NDUFS4: variants seen among roughly 807,000 people sequenced by gnomAD.
NDUFS4 encodes NADH:ubiquinone oxidoreductase subunit S4.
Under a neutral mutation model 24.3 loss-of-function variants are expected in NDUFS4, and 28 were observed. That is an observed-to-expected ratio of 1.15 (90% CI 0.85 to 1.58). NDUFS4 has a LOEUF of 1.58. Among genes scored for constraint, NDUFS4 ranks in the 40% most tolerant of loss-of-function variants. The probability of loss-of-function intolerance (pLI) is 0.00; values close to 1 mark genes in which losing one functional copy is unlikely to be tolerated. For synonymous variants in NDUFS4, 93 were observed against 69.7 expected (o/e 1.34, Z -1.67); for missense variants, 223 against 207.9 (o/e 1.07, Z -0.45).
Position 53,683,114 on chromosome 5 carries a change from C to T in NDUFS4, c.425-4C>T. ...GTGGATTTGTCTTTGTTTTTTCCTCCTAGGATGGAGCTATGACATTGAAGA... is the reference window on the plus strand; with the variant it reads ...GTGGATTTGTCTTTGTTTTTTCCTCTTAGGATGGAGCTATGACATTGAAGA... On this transcript the variant is annotated splice_polypyrimidine_tract_variant and splice_region_variant and intron_variant, in intron 4 of 4. Coordinates refer to ENST00000296684, the MANE Select transcript of NDUFS4 (RefSeq NM_002495.4). 2 of 1,578,548 alleles carry T rather than the reference C, an allele frequency of 1.3e-6. No individual in the cohort carries two copies. Among genetic ancestry groups the T allele is most frequent in the Non-Finnish European group, 8.7e-7 (1 of 1,148,088 alleles).
At chr5:53,632,665 C>T (rs773368631) in intron 2 of NDUFS4, among the ~76,000 whole-genome samples, 7 of 152,136 alleles carry the variant, frequency 4.6e-5, no homozygotes, top group Non-Finnish European at 1.0e-4. Flanking sequence ...ATGCATGAAG[C>T]TGAGACAATT....
intron 2 of NDUFS4, among the ~76,000 whole-genome samples, chr5:53,645,640 T>C (rs543269289): frequency 2.0e-4 from 31 of 152,214 alleles, no homozygotes; most frequent in Non-Finnish European, 4.4e-4. Flanking sequence ...GATTGTATCA[T>C]TCTCTCTTTA....
intron 2 of NDUFS4, among the ~76,000 whole-genome samples, chr5:53,629,694 A>G (rs1053450979): frequency 6.6e-6 from 1 of 151,958 alleles, no homozygotes; most frequent in Non-Finnish European, 1.5e-5. Context: ...AGAGACTAGG[A>G]TTGTAACCCC....
chr5:53,618,456 G>A (rs1292768675), intron 2 of NDUFS4, among the ~76,000 whole-genome samples: 1 of 152,070 alleles, frequency 6.6e-6, no homozygotes, highest in Non-Finnish European at 1.5e-5. Context: ...TGCAGTGCAG[G>A]TACTAAGTTC....
At chr5:53,664,257 G>C (rs765886807) in intron 4 of NDUFS4, among the ~76,000 whole-genome samples, 1 of 152,068 alleles carries the variant, frequency 6.6e-6, no homozygotes, top group Non-Finnish European at 1.5e-5. Context: ...TCTTGCTGCC[G>C]TTAACATCTT....
intron 1 of NDUFS4, among the ~76,000 whole-genome samples, chr5:53,572,966 T>G (rs899380193): frequency 1.8e-4 from 17 of 95,920 alleles, no homozygotes; most frequent in South Asian, 3.6e-4. Flanking sequence ...TGTTTTTTTT[T>G]TTTGTTTTTT....
intron 4 of NDUFS4, among the ~76,000 whole-genome samples, chr5:53,671,842 T>C (rs925929698): frequency 6.6e-6 from 1 of 152,158 alleles, no homozygotes; most frequent in Non-Finnish European, 1.5e-5. Flanking sequence ...TTTGATCTGA[T>C]TTGAAAGTTT....
intron 2 of NDUFS4, among the ~76,000 whole-genome samples, chr5:53,631,077 G>A (rs971267844): frequency 1.3e-5 from 2 of 152,062 alleles, no homozygotes; most frequent in African/African-American, 4.8e-5. Context: ...TGTGGATGTC[G>A]TTTTTGTTGA....
intron 2 of NDUFS4, among the ~76,000 whole-genome samples, chr5:53,640,231 A>T (rs1751672719): frequency 6.6e-6 from 1 of 152,082 alleles, no homozygotes; most frequent in South Asian, 2.1e-4. Flanking sequence ...ATGTTAAAGT[A>T]GGAACTTGAA....
rs149346161 is a variant in NDUFS4, at chr5:53,614,768, T to G, written c.177+11238T>G. Among the ~76,000 whole-genome samples the G allele has an allele frequency of 9.2e-3, 1,401 of 152,054 alleles. 17 individuals carry two copies. The highest frequency in any genetic ancestry group is 0.032 in the African/African-American group (1,327 of 41,538). ...TTTACTACCTGCTGTGTATGGAAAT[T>G]GTGTATCGTACTTGACACTTGCTTT... On this transcript the variant is annotated intron_variant, in intron 2 of 4. Coordinates refer to ENST00000296684, the MANE Select transcript of NDUFS4 (RefSeq NM_002495.4).
At chr5:53,651,514 T>C (rs1752014738) in intron 3 of NDUFS4, among the ~76,000 whole-genome samples, 1 of 151,808 alleles carries the variant, frequency 6.6e-6, no homozygotes, top group African/African-American at 2.4e-5. Flanking sequence ...AATACTAATA[T>C]GTAGAATATT....
intron 1 of NDUFS4, among the ~76,000 whole-genome samples, chr5:53,574,363 T>C (rs1203259048): frequency 6.6e-6 from 1 of 152,216 alleles, no homozygotes; most frequent in Non-Finnish European, 1.5e-5. Flanking sequence ...ACTGTTAATG[T>C]GGTAGATTGA....
chr5:53,572,497 A>G (rs999697715), intron 1 of NDUFS4, among the ~76,000 whole-genome samples: 1 of 152,072 alleles, frequency 6.6e-6, no homozygotes, highest in Non-Finnish European at 1.5e-5. Context: ...TTTCTTTTTC[A>G]TTCTTTAACA....
At chr5:53,595,325 A>G (rs1036002435) in intron 1 of NDUFS4, among the ~76,000 whole-genome samples, 5 of 152,200 alleles carry the variant, frequency 3.3e-5, no homozygotes, top group Non-Finnish European at 4.4e-5. Context: ...TTATAAGTTA[A>G]TAATTGACAT....
chr5:53,663,284 G>A (rs1752401280), intron 4 of NDUFS4, among the ~76,000 whole-genome samples: 1 of 152,096 alleles, frequency 6.6e-6, no homozygotes. Flanking sequence ...GTGTGGTGTG[G>A]TGTTGAAAAA....
chr5:53,678,914 C>T (rs1172983041), intron 4 of NDUFS4, among the ~76,000 whole-genome samples: 1 of 152,088 alleles, frequency 6.6e-6, no homozygotes, highest in Non-Finnish European at 1.5e-5. Flanking sequence ...GTAACCTTTA[C>T]ATTCGAGTAT....
In NDUFS4 at chr5:53,619,330, C is replaced by T. The variant is rs1362177549; in HGVS notation, c.177+15800C>T. Among the ~76,000 whole-genome samples the T allele has an allele frequency of 5.5e-5, 8 of 145,866 alleles. No homozygotes were observed. In the East Asian group the frequency reaches 6.0e-4, roughly 11 times the overall value. ...TTAAAAAAAAAAAAAAAAAATTAGC[C>T]GGGTGTGGTGGCGGGTGCTTGTGGT... On this transcript the variant is annotated intron_variant, in intron 2 of 4. Transcript: ENST00000296684.
intron 2 of NDUFS4, among the ~76,000 whole-genome samples, chr5:53,624,113 G>T (rs1751144863): frequency 6.6e-6 from 1 of 152,166 alleles, no homozygotes; most frequent in Non-Finnish European, 1.5e-5. Context: ...AGCACCATTT[G>T]TTGGTGCTTT....
chr5:53,669,522 C>T (rs1308087480), intron 4 of NDUFS4, among the ~76,000 whole-genome samples: 1 of 152,198 alleles, frequency 6.6e-6, no homozygotes, highest in Admixed American at 6.5e-5. Flanking sequence ...CTCCCATCTA[C>T]TACTGGATGA....
Sources: gnomAD v4.1 joint callset for allele counts (sites outside exome capture counted in the v4.1 genomes callset) on GRCh38, gnomAD v4.1.1 for gene constraint, MANE v1.5 for transcripts, NCBI Gene and HGNC (gene_info 2026-07-23, HGNC 2026-07-21) for gene names.